PARN: variants seen among roughly 807,000 people sequenced by gnomAD.
PARN encodes poly(A)-specific ribonuclease PARN.
In PARN, 71 loss-of-function variants were observed where a neutral mutation model predicts 102.8. The ratio of observed to expected loss-of-function variants is 0.69; its 90% CI spans 0.57 to 0.84. The LOEUF (loss-of-function observed/expected upper bound fraction) is 0.84, where lower values mean the gene tolerates loss of function less well. Ranked by LOEUF, PARN falls within the 40% of genes least tolerant of loss-of-function variation. The probability of loss-of-function intolerance (pLI) is 0.00; values close to 1 mark genes in which losing one functional copy is unlikely to be tolerated. For missense variants in PARN, 782 were observed against 760.9 expected, an observed-to-expected ratio of 1.03 and a Z score of -0.33; for synonymous variants, 261 against 252.9, an observed-to-expected ratio of 1.03 and a Z score of -0.30.
chr16:14,507,147 A>C (rs1483458317), intron 21 of PARN, among the ~76,000 whole-genome samples: 1 of 151,244 alleles, frequency 6.6e-6, no homozygotes, highest in Non-Finnish European at 1.5e-5. Context: ...ACCAACATGG[A>C]GAAACCCCAT....
intron 21 of PARN, among the ~76,000 whole-genome samples, chr16:14,490,533 T>C (rs891347943): frequency 6.6e-6 from 1 of 152,228 alleles, no homozygotes; most frequent in Non-Finnish European, 1.5e-5. Flanking sequence ...AGAAGTGATG[T>C]GTGCCAAGAG....
At chr16:14,594,107 T>C (rs118067659) in intron 12 of PARN, among the ~76,000 whole-genome samples, 2,649 of 152,312 alleles carry the variant, frequency 0.017, 30 homozygotes, top group Non-Finnish European at 0.024. Flanking sequence ...AACCCACTTA[T>C]TTTAAAAGAT....
At chr16:14,517,472 G>T (rs1184542834) in intron 21 of PARN, among the ~76,000 whole-genome samples, 1 of 152,190 alleles carries the variant, frequency 6.6e-6, no homozygotes, top group African/African-American at 2.4e-5. Flanking sequence ...GACCAGAACT[G>T]CCTAGGCAAC....
chr16:14,513,471 C>T (rs1006270965), intron 21 of PARN, among the ~76,000 whole-genome samples: 7 of 152,160 alleles, frequency 4.6e-5, no homozygotes, highest in Admixed American at 1.3e-4. Flanking sequence ...ATGTACCATA[C>T]TTTATGAGTT....
chr16:14,477,421 C>G (rs1963121428), intron 22 of PARN, among the ~76,000 whole-genome samples: 1 of 144,640 alleles, frequency 6.9e-6, no homozygotes, highest in Admixed American at 7.0e-5. Flanking sequence ...AGCCTGGCAA[C>G]AGAGCGAGAG....
At chr16:14,444,983 A>ATTTTTTTTTTTT (rs564058919) in intron 23 of PARN, among the ~76,000 whole-genome samples, 1 of 117,972 alleles carries the variant, frequency 8.5e-6, no homozygotes, top group African/African-American at 3.3e-5. Context: ...TAATATTTAA[A>ATTTTTTTTTTTT]TTTTTTTTTT....
At chr16:14,579,179 G>C (rs934704098) in intron 18 of PARN, among the ~76,000 whole-genome samples, 3 of 152,158 alleles carry the variant, frequency 2.0e-5, no homozygotes, top group Non-Finnish European at 4.4e-5. Context: ...TGCTGGCCAG[G>C]CTGGTCTCGA....
chr16:14,480,913 T>C (rs971966197), intron 22 of PARN, among the ~76,000 whole-genome samples: 1 of 150,894 alleles, frequency 6.6e-6, no homozygotes, highest in South Asian at 2.1e-4. Context: ...CACTCCAGCC[T>C]GGGAAAAAGA....
Position 14,600,669 on chromosome 16 carries a change from G to A in PARN, c.784-709C>T, listed in dbSNP as rs533891790. The stretch of plus-strand genomic sequence containing the variant: ...ACACTGGCTGGGTGAAGTGGCTCAC[G>A]CCTGTAATCCGAGCACTTTGGGAGG... On this transcript the variant is annotated intron_variant, in intron 11 of 23. Coordinates refer to ENST00000437198, the MANE Select transcript of PARN (RefSeq NM_002582.4). Among the ~76,000 whole-genome samples, 207 of 152,200 alleles carry A rather than the reference G, an allele frequency of 1.4e-3. 1 individual carries two copies. Among genetic ancestry groups the A allele is most frequent in the African/African-American group, 4.6e-3 (191 of 41,528 alleles).
At chr16:14,628,749 C>T (rs1009374630) in intron 2 of PARN, among the ~76,000 whole-genome samples, 17 of 152,150 alleles carry the variant, frequency 1.1e-4, no homozygotes, top group African/African-American at 3.9e-4. Flanking sequence ...CTACCTAAAG[C>T]CAAGGATACT....
intron 18 of PARN, among the ~76,000 whole-genome samples, chr16:14,567,853 G>T (rs140488024): frequency 6.6e-6 from 1 of 152,094 alleles, no homozygotes; most frequent in East Asian, 1.9e-4. Context: ...TAACACACAG[G>T]GTAGGTATTT....
At chr16:14,487,349 G>C (rs909896596) in intron 21 of PARN, among the ~76,000 whole-genome samples, 1 of 152,162 alleles carries the variant, frequency 6.6e-6, no homozygotes, top group African/African-American at 2.4e-5. Context: ...TGTTTATGTA[G>C]GTTGACAATT....
intron 5 of PARN, among the ~76,000 whole-genome samples, chr16:14,621,229 C>G (rs1423618590): frequency 6.6e-6 from 1 of 152,176 alleles, no homozygotes; most frequent in African/African-American, 2.4e-5. Flanking sequence ...TCTTATAACT[C>G]TGCCCACCTA....
chr16:14,522,688 G>A (rs1965797120), intron 21 of PARN, among the ~76,000 whole-genome samples: 1 of 152,174 alleles, frequency 6.6e-6, no homozygotes, highest in Non-Finnish European at 1.5e-5. Context: ...GGCACAGGAA[G>A]CTGGAACAAG....
chr16:14,588,405 A>G (rs1267120978), intron 13 of PARN, among the ~76,000 whole-genome samples: 1 of 152,226 alleles, frequency 6.6e-6, no homozygotes, highest in African/African-American at 2.4e-5. Flanking sequence ...CAGCAGGGTC[A>G]GTGACAGGAA....
At chr16:14,498,070 G>A (rs1266774779) in intron 21 of PARN, among the ~76,000 whole-genome samples, 1 of 144,520 alleles carries the variant, frequency 6.9e-6, no homozygotes, top group Admixed American at 7.3e-5. Context: ...GTTGCAGTGA[G>A]CCAAGATGGT....
rs1197263400 is a variant in PARN, at chr16:14,600,379, C to T, written c.784-419G>A. ...ATCAAATCAAGTATTTTCATAATTC[C>T]TGATTTTTTTTCCTCGAAAAATACA... On this transcript the variant is annotated intron_variant, in intron 11 of 23. Transcript: ENST00000437198. 4.6e-5 allele frequency among the ~76,000 whole-genome samples: 7 copies of T among 152,136 alleles called. No homozygotes were observed. The South Asian group carries it at 1.2e-3, about 27-fold the overall frequency.
intron 7 of PARN, among the ~76,000 whole-genome samples, 154 bp downstream of exon 7, chr16:14,610,487 AAAT>A (rs944796721): frequency 1.3e-5 from 2 of 151,902 alleles, no homozygotes; most frequent in African/African-American, 4.8e-5. Flanking sequence ...AAAAAAAAAA[AAAT>A]TTTTTTTTTA....
chr16:14,529,924 C>G (rs908837471), intron 21 of PARN, among the ~76,000 whole-genome samples: 2 of 152,070 alleles, frequency 1.3e-5, no homozygotes, highest in African/African-American at 4.8e-5. Flanking sequence ...ACCACGAGAC[C>G]CCATCATGAC....
Sources: allele counts gnomAD v4.1 joint callset (sites outside exome capture counted in the v4.1 genomes callset), GRCh38; gene constraint gnomAD v4.1.1; transcripts MANE v1.5; gene names NCBI Gene and HGNC (gene_info 2026-07-23, HGNC 2026-07-21).